The following HUNK variants were observed in gnomAD, a reference collection of about 807,000 sequenced individuals.
HUNK encodes the protein hormonally up-regulated Neu-associated kinase, also known as hormonally up-regulated neu tumor-associated kinase.
HUNK carries 21 observed loss-of-function variants against 61.0 expected under a neutral mutation model. That is an observed-to-expected ratio of 0.34 (90% CI 0.24 to 0.50). HUNK has a LOEUF of 0.50. Ranked by LOEUF, HUNK falls within the 20% of genes least tolerant of loss-of-function variation. The pLI is 0.98. For missense variants in HUNK, 772 were observed against 945.7 expected, an observed-to-expected ratio of 0.82 and a Z score of 2.41; for synonymous variants, 371 against 386.1, an observed-to-expected ratio of 0.96 and a Z score of 0.46.
intron 1 of HUNK, among the ~76,000 whole-genome samples, chr21:31,885,235 G>C (rs2052337616): frequency 6.6e-6 from 1 of 152,220 alleles, no homozygotes; most frequent in African/African-American, 2.4e-5. Flanking sequence ...ACGTAACTTG[G>C]ACATAAAATG....
chr21:31,941,388 C>A (rs2052767640), intron 3 of HUNK, among the ~76,000 whole-genome samples: 1 of 151,700 alleles, frequency 6.6e-6, no homozygotes, highest in South Asian at 2.1e-4. Flanking sequence ...CTCACTGCAG[C>A]CTCTGCCTCC....
intron 3 of HUNK, among the ~76,000 whole-genome samples, chr21:31,942,870 C>CGA (rs71193160): frequency 0.29 from 43,768 of 151,788 alleles, 6,952 homozygotes; most frequent in African/African-American, 0.42. Context: ...ATACCTGCCC[C>CGA]GAGAGAGACC....
At chr21:31,973,413 T>C (rs1476242046) in intron 6 of HUNK, among the ~76,000 whole-genome samples, 2 of 152,204 alleles carry the variant, frequency 1.3e-5, no homozygotes, top group East Asian at 3.8e-4. Flanking sequence ...GGTGTTTGGT[T>C]TTCTGTCCTT....
At chr21:31,880,929 C>T (rs912487089) in intron 1 of HUNK, among the ~76,000 whole-genome samples, 10 of 152,228 alleles carry the variant, frequency 6.6e-5, no homozygotes, top group African/African-American at 2.4e-4. Flanking sequence ...CTGCCCATGC[C>T]GTGGTGAGTG....
chr21:31,910,803 T>A (rs1650512995), intron 1 of HUNK, among the ~76,000 whole-genome samples: 1 of 152,226 alleles, frequency 6.6e-6, no homozygotes, highest in Admixed American at 6.5e-5. Flanking sequence ...GCTCAAGTTC[T>A]TGATAACAAA....
chr21:31,984,198 CTT>C (rs2053117612), intron 8 of HUNK, among the ~76,000 whole-genome samples: 1 of 152,016 alleles, frequency 6.6e-6, no homozygotes, highest in African/African-American at 2.4e-5. Flanking sequence ...TTAACAGTAA[CTT>C]ATTATGTATA....
At chr21:31,899,640 C>T (rs768078081) in intron 1 of HUNK, among the ~76,000 whole-genome samples, 6 of 152,168 alleles carry the variant, frequency 3.9e-5, no homozygotes, top group South Asian at 2.1e-4. Flanking sequence ...GTGTTCTAAA[C>T]CAAACTCGTT....
At chr21:31,874,689 G>A (rs2052246857) in intron 1 of HUNK, among the ~76,000 whole-genome samples, 1 of 151,660 alleles carries the variant, frequency 6.6e-6, no homozygotes, top group African/African-American at 2.4e-5. Flanking sequence ...GGGAGCTGCA[G>A]TGAAGACCCT....
At chr21:31,913,976 T>C (rs1279819512) in intron 1 of HUNK, among the ~76,000 whole-genome samples, 1 of 152,150 alleles carries the variant, frequency 6.6e-6, no homozygotes, top group East Asian at 1.9e-4. Context: ...CAGAGCCTAC[T>C]GACCACCACT....
intron 3 of HUNK, among the ~76,000 whole-genome samples, chr21:31,941,507 A>G (rs2052768765): frequency 6.6e-6 from 1 of 152,034 alleles, no homozygotes; most frequent in African/African-American, 2.4e-5. Context: ...GGGTTTCACC[A>G]TGTTGGCCAG....
chr21:31,920,802 T>G (rs554828265), intron 1 of HUNK, among the ~76,000 whole-genome samples: 1 of 152,264 alleles, frequency 6.6e-6, no homozygotes, highest in Admixed American at 6.5e-5. Flanking sequence ...CCTTGGGGGC[T>G]GATTGACTCT....
Position 32,000,476 on chromosome 21 carries a change from C to T in HUNK, c.*1292C>T, listed in dbSNP as rs2053239005. 5.0e-6 allele frequency: 2 copies of T among 399,054 alleles called. No individual in the cohort carries two copies. Among genetic ancestry groups the T allele is most frequent in the Non-Finnish European group, 8.8e-6 (2 of 226,164 alleles). The allele number at this position is 399,054 out of a possible 1,614,324, so 24.7% of individuals were successfully genotyped here. On this transcript the variant is annotated 3_prime_UTR_variant, in exon 11 of 11. Coordinates refer to ENST00000270112, the MANE Select transcript of HUNK (RefSeq NM_014586.2). ...GACAGCCGTGTTGTCTGACTGTATC[C>T]AGCTGGCACTTGACAGGGTGCAGTC...
intron 1 of HUNK, among the ~76,000 whole-genome samples, chr21:31,883,549 T>C (rs140309504): frequency 0.027 from 4,167 of 152,336 alleles, 93 homozygotes; most frequent in Middle Eastern, 0.051. Context: ...TATTTTGCAG[T>C]GTCTACCACC....
chr21:31,957,657 A>G (rs1273705805), intron 4 of HUNK, among the ~76,000 whole-genome samples: 1 of 152,192 alleles, frequency 6.6e-6, no homozygotes, highest in Admixed American at 6.5e-5. Context: ...CATCAAAATG[A>G]TATTAGATTT....
chr21:31,993,934 C>T (rs1032773213), intron 9 of HUNK, among the ~76,000 whole-genome samples: 5 of 152,210 alleles, frequency 3.3e-5, no homozygotes, highest in South Asian at 2.1e-4. Context: ...TCTCTGGAAC[C>T]GCCTGACCCT....
At chr21:31,923,535 GAGGA>G (rs1461482480) in intron 1 of HUNK, among the ~76,000 whole-genome samples, 5 of 137,030 alleles carry the variant, frequency 3.6e-5, no homozygotes, top group Admixed American at 1.5e-4. Context: ...GGAAGGGAGG[GAGGA>G]AGGAAGGAAG....
chr21:31,960,239 G>A (rs1248992358), intron 5 of HUNK, among the ~76,000 whole-genome samples: 1 of 152,164 alleles, frequency 6.6e-6, no homozygotes, highest in Non-Finnish European at 1.5e-5. Flanking sequence ...GAACAAACCA[G>A]TCTCTACCCT....
intron 3 of HUNK, among the ~76,000 whole-genome samples, chr21:31,941,545 G>C (rs2052768929): frequency 6.6e-6 from 1 of 152,160 alleles, no homozygotes; most frequent in African/African-American, 2.4e-5. Flanking sequence ...GATTTCAGGT[G>C]ATCTGCCCGC....
At chr21:31,983,236 A>G (rs1036395809) in intron 7 of HUNK, among the ~76,000 whole-genome samples, 7 of 152,206 alleles carry the variant, frequency 4.6e-5, no homozygotes, top group Admixed American at 3.9e-4. Flanking sequence ...CTGCACAGAT[A>G]AAAGAACTGA....
Sources: allele counts gnomAD v4.1 joint callset (sites outside exome capture counted in the v4.1 genomes callset), GRCh38; gene constraint gnomAD v4.1.1; transcripts MANE v1.5; gene names NCBI Gene and HGNC (gene_info 2026-07-23, HGNC 2026-07-21).